Variants in VAMP7 observed in about 807,000 individuals in gnomAD.
The protein encoded by VAMP7 is vesicle associated membrane protein 7.
In VAMP7, 14 loss-of-function variants were observed where a neutral mutation model predicts 29.6. The observed-to-expected ratio is 0.47, with a 90% confidence interval of 0.31 to 0.74. The LOEUF (loss-of-function observed/expected upper bound fraction) is 0.74, where lower values mean the gene tolerates loss of function less well. Among genes scored for constraint, VAMP7 ranks in the 30% least tolerant of loss-of-function variants. VAMP7 has a pLI of 0.05. For missense variants in VAMP7, 223 were observed against 262.4 expected (o/e 0.85, Z 1.04); for synonymous variants, 95 against 88.1 (o/e 1.08, Z -0.44).
At chrX:155,917,958 A>G (rs1268090588) in intron 5 of VAMP7, among the ~76,000 whole-genome samples, 6 of 152,284 alleles carry the variant, frequency 3.9e-5, no homozygotes, top group African/African-American at 1.4e-4. Flanking sequence ...AGTTTTATCT[A>G]TAAGCCTCTG....
At chrX:155,907,625 G>T (rs1324338432) in intron 5 of VAMP7, among the ~76,000 whole-genome samples, 2 of 151,852 alleles carry the variant, frequency 1.3e-5, no homozygotes. Flanking sequence ...CAAGGCAGAA[G>T]AATTTTTCTT....
intron 6 of VAMP7, among the ~76,000 whole-genome samples, chrX:155,932,958 G>A (rs5983679): frequency 0.65 from 98,007 of 151,948 alleles, 32,054 homozygotes; most frequent in African/African-American, 0.76. Flanking sequence ...CTATTGAGAT[G>A]ATCGTGTGTT....
chrX:155,910,619 C>G (rs1305882230), intron 5 of VAMP7, among the ~76,000 whole-genome samples: 1 of 149,316 alleles, frequency 6.7e-6, no homozygotes, highest in Non-Finnish European at 1.5e-5. Context: ...TAGCCAGCAT[C>G]TGTTATTTTG....
intron 5 of VAMP7, among the ~76,000 whole-genome samples, chrX:155,903,525 C>G (rs1300487635): frequency 6.6e-6 from 1 of 151,804 alleles, no homozygotes; most frequent in Non-Finnish European, 1.5e-5. Context: ...AACAAACAAC[C>G]CCATCAAAAA....
chrX:155,910,355 A>G (rs1280732335), intron 5 of VAMP7, among the ~76,000 whole-genome samples: 1 of 152,150 alleles, frequency 6.6e-6, no homozygotes, highest in Non-Finnish European at 1.5e-5. Context: ...CCATTCATCC[A>G]TTCATGGACA....
intron 6 of VAMP7, among the ~76,000 whole-genome samples, chrX:155,939,060 T>C (rs755296920): frequency 3.9e-4 from 24 of 61,576 alleles, no homozygotes; most frequent in African/African-American, 1.6e-3. Flanking sequence ...TTTTTTTATA[T>C]GTCTTTTGGT....
At chrX:155,907,735 C>G (rs1346411995) in intron 5 of VAMP7, among the ~76,000 whole-genome samples, 2 of 152,160 alleles carry the variant, frequency 1.3e-5, no homozygotes, top group Non-Finnish European at 1.5e-5. Context: ...TCCCCCTTTT[C>G]TATTCCACAA....
chrX:155,932,009 C>G lies in VAMP7; in HGVS notation c.502-7692C>G, dbSNP rs746466069. Among the ~76,000 whole-genome samples the G allele has an allele frequency of 1.3e-3, 203 of 152,086 alleles. 6 individuals carry two copies. The South Asian group carries it at 0.042, about 32-fold the overall frequency. On this transcript the variant is annotated intron_variant, in intron 6 of 7. Transcript: ENST00000286448. ...TTTTTGTCAGGTTTGTCAAAGATGA[C>G]ATGGTTGTAGATGTGTGGTATTACT...
In VAMP7 at chrX:155,942,155, A is replaced by T. The variant is rs761502433; in HGVS notation, c.*204A>T. On this transcript the variant is annotated 3_prime_UTR_variant, in exon 8 of 8. Coordinates refer to ENST00000286448, the MANE Select transcript of VAMP7 (RefSeq NM_005638.6). ...ATTCCTGTGAACTTCAGATTGAACCATTCATTGCAGCAGTAGCCTTAAAAA... is the reference window on the plus strand; with the variant it reads ...ATTCCTGTGAACTTCAGATTGAACCTTTCATTGCAGCAGTAGCCTTAAAAA... 2.5e-4 allele frequency: 385 copies of T among 1,550,110 alleles called. No homozygotes were observed. In the African/African-American group the frequency reaches 4.7e-3, roughly 19 times the overall value.
chrX:155,933,332 C>G (rs2066593616), intron 6 of VAMP7, among the ~76,000 whole-genome samples: 1 of 152,104 alleles, frequency 6.6e-6, no homozygotes, highest in Non-Finnish European at 1.5e-5. Context: ...CCATCTGGTC[C>G]TGGACTTTTT....
intron 5 of VAMP7, among the ~76,000 whole-genome samples, chrX:155,918,598 A>G (rs188114446): frequency 3.9e-5 from 6 of 152,186 alleles, no homozygotes; most frequent in African/African-American, 1.4e-4. Context: ...GGATGAGGCA[A>G]CGCCCCACCC....
At chrX:155,897,989 G>C (rs1316468677) in intron 3 of VAMP7, 123 bp from the exon 4 acceptor site, 1 of 1,252,188 alleles carries the variant, frequency 8.0e-7, no homozygotes, top group African/African-American at 1.5e-5. Flanking sequence ...TAGGATCAAT[G>C]CTAGTTCCTC....
intron 5 of VAMP7, among the ~76,000 whole-genome samples, chrX:155,914,510 G>A (rs1300862839): frequency 6.6e-6 from 1 of 152,080 alleles, no homozygotes; most frequent in Non-Finnish European, 1.5e-5. Flanking sequence ...GTCATAAATA[G>A]TTCTTATTAT....
intron 6 of VAMP7, among the ~76,000 whole-genome samples, chrX:155,920,282 C>G (rs780209670): frequency 7.2e-5 from 11 of 152,262 alleles, no homozygotes; most frequent in African/African-American, 2.2e-4. Context: ...TTTGCTTACA[C>G]TGATAGTTTC....
At chrX:155,901,399 G>A (rs1197657281) in intron 5 of VAMP7, among the ~76,000 whole-genome samples, 3 of 151,856 alleles carry the variant, frequency 2.0e-5, no homozygotes, top group African/African-American at 4.8e-5. Flanking sequence ...GCCCGAAAGT[G>A]GAGGCAGACA....
At chrX:155,900,239 A>G (rs2066043496) in intron 4 of VAMP7, among the ~76,000 whole-genome samples, 1 of 151,918 alleles carries the variant, frequency 6.6e-6, no homozygotes, top group Non-Finnish European at 1.5e-5. Flanking sequence ...TATTTGATAT[A>G]ATGTTTATTT....
In VAMP7 at chrX:155,891,991, G is replaced by A. The variant is rs767282191; in HGVS notation, c.146+2379G>A. 4.6e-5 allele frequency among the ~76,000 whole-genome samples: 7 copies of A among 152,208 alleles called. No homozygotes were observed. In the South Asian group the frequency reaches 6.2e-4, roughly 14 times the overall value. ...ATGTCCAGGGAAAGCACATGTAGTC[G>A]TCCTTTTAGAGGCAAGACTGGGAAA... On this transcript the variant is annotated intron_variant, in intron 2 of 7. Transcript: ENST00000286448.
intron 6 of VAMP7, among the ~76,000 whole-genome samples, chrX:155,936,255 G>A (rs2066653509): frequency 1.3e-5 from 2 of 152,172 alleles, no homozygotes; most frequent in African/African-American, 2.4e-5. Context: ...AGTTTGCAGA[G>A]GTTTCTGCTG....
intron 2 of VAMP7, among the ~76,000 whole-genome samples, chrX:155,895,058 C>G (rs912902092): frequency 1.3e-5 from 2 of 152,174 alleles, no homozygotes; most frequent in Non-Finnish European, 2.9e-5. Flanking sequence ...GTCCCCAGAG[C>G]ACCATGTACT....
Sources: gnomAD v4.1 joint callset for allele counts (sites outside exome capture counted in the v4.1 genomes callset) on GRCh38, gnomAD v4.1.1 for gene constraint, MANE v1.5 for transcripts, NCBI Gene and HGNC (gene_info 2026-07-23, HGNC 2026-07-21) for gene names.